The following BTAF1 variants were observed in gnomAD, a reference collection of about 807,000 sequenced individuals.
The protein encoded by BTAF1 is TATA-binding protein-associated factor 172.
A neutral mutation model predicts 227.1 loss-of-function variants in BTAF1; 38 were observed. The ratio of observed to expected loss-of-function variants is 0.17; its 90% CI spans 0.13 to 0.22. BTAF1 has a LOEUF of 0.22. Ranked by LOEUF, BTAF1 falls within the 10% of genes least tolerant of loss-of-function variation. The probability of loss-of-function intolerance (pLI) is 1.00; values close to 1 mark genes in which losing one functional copy is unlikely to be tolerated. For synonymous variants in BTAF1, 742 were observed against 751.9 expected, an observed-to-expected ratio of 0.99 and a Z score of 0.21; for missense variants, 1,598 against 2,204.0, an observed-to-expected ratio of 0.73 and a Z score of 5.51.
intron 2 of BTAF1, among the ~76,000 whole-genome samples, chr10:91,937,794 A>T (rs926345718): frequency 5.3e-5 from 8 of 152,142 alleles, no homozygotes; most frequent in African/African-American, 1.7e-4. Flanking sequence ...TCTCCAGAGT[A>T]TATATATACC....
Position 91,980,869 on chromosome 10 carries a change from A to G in BTAF1, c.1755+311A>G, listed in dbSNP as rs149398064. Reference sequence around the variant, plus strand: ...AGCCCTCATCTTGCTGTTTATCAATATGCTTATAGATCCTGCAAAGTATCT... The same window carrying G: ...AGCCCTCATCTTGCTGTTTATCAATGTGCTTATAGATCCTGCAAAGTATCT... On this transcript the variant is annotated intron_variant, in intron 15 of 37. Transcript: ENST00000265990. Among the ~76,000 whole-genome samples, 6 of 152,278 alleles carry G rather than the reference A, an allele frequency of 3.9e-5. No individual in the cohort carries two copies. In the East Asian group the frequency reaches 1.2e-3, roughly 29 times the overall value.
At position 92,008,293 on chromosome 10, in the gene BTAF1, G is replaced by A. The variant is rs202028264; in HGVS notation, c.3813+18G>A. ...ATCAGCAGGTAAGTTTTATACAATA[G>A]TGAGTTTTCCTTTCAAATGAACCTT... On this transcript the variant is annotated intron_variant, in intron 26 of 37. Coordinates refer to ENST00000265990, the MANE Select transcript of BTAF1 (RefSeq NM_003972.3). 260 of 1,543,546 alleles carry A rather than the reference G, an allele frequency of 1.7e-4. 1 individual carries two copies. The highest frequency in any genetic ancestry group is 8.6e-5 in the Non-Finnish European group (99 of 1,155,358).
intron 19 of BTAF1, among the ~76,000 whole-genome samples, chr10:91,987,286 A>T (rs1487579755): frequency 6.6e-6 from 1 of 152,082 alleles, no homozygotes; most frequent in Non-Finnish European, 1.5e-5. Flanking sequence ...GATCAAGACC[A>T]TCCTGGCTAA....
At chr10:91,997,460 T>C (rs1423283276) in intron 24 of BTAF1, 143 bp from the exon 25 acceptor site, 2 of 688,546 alleles carry the variant, frequency 2.9e-6, no homozygotes, top group Admixed American at 3.1e-5. Flanking sequence ...AATTGAATCA[T>C]AGGCCTGGAG....
intron 4 of BTAF1, among the ~76,000 whole-genome samples, chr10:91,948,559 T>TC (rs1429510533): frequency 6.6e-6 from 1 of 151,434 alleles, no homozygotes; most frequent in Non-Finnish European, 1.5e-5. Context: ...TATTTTTTTT[T>TC]CTGTAGAGAT....
At chr10:92,019,558 A>G (rs1009290799) in intron 34 of BTAF1, among the ~76,000 whole-genome samples, 1 of 152,182 alleles carries the variant, frequency 6.6e-6, no homozygotes, top group Non-Finnish European at 1.5e-5. Flanking sequence ...CAGCATTTCT[A>G]TGTTTAACAT....
chr10:91,940,107 A>G, intron 3 of BTAF1, 41 bp downstream of exon 3: 1 of 1,288,928 alleles, frequency 7.8e-7, no homozygotes, highest in Non-Finnish European at 1.1e-6. Context: ...TAAAAACCTA[A>G]CTGTAGAATT....
At chr10:91,924,571 T>A (rs1843699267) in intron 1 of BTAF1, among the ~76,000 whole-genome samples, 1 of 152,240 alleles carries the variant, frequency 6.6e-6, no homozygotes, top group Admixed American at 6.5e-5. Flanking sequence ...AGATGTTTTT[T>A]AAAATTAAGT....
intron 4 of BTAF1, among the ~76,000 whole-genome samples, chr10:91,950,399 A>G (rs1317723004): frequency 7.1e-6 from 1 of 140,156 alleles, no homozygotes; most frequent in African/African-American, 2.7e-5. Context: ...TGTTTTTGCC[A>G]GTTTGTTAGG....
rs1029308899 is a variant in BTAF1 at position 91,935,551 on chromosome 10, A to G, written c.15-106A>G. On this transcript the variant is annotated intron_variant, in intron 1 of 37. Transcript: ENST00000265990. ...TGTCTTTCCGGGGCTCATTTATGTT[A>G]GCGTAGGTCTTCATTCATAGCATCT... 12 of 1,207,136 alleles carry G rather than the reference A, an allele frequency of 9.9e-6. No individual in the cohort carries two copies. The African/African-American group carries it at 1.8e-4, about 18-fold the overall frequency. 74.8% of individuals were successfully genotyped at this position (1,207,136 alleles called of 1,614,324 possible).
At chr10:91,944,249 G>GT (rs1845214984) in intron 4 of BTAF1, among the ~76,000 whole-genome samples, 1 of 152,092 alleles carries the variant, frequency 6.6e-6, no homozygotes, top group Non-Finnish European at 1.5e-5. Context: ...TTTAGTGCTA[G>GT]TAAGTCACAG....
intron 19 of BTAF1, among the ~76,000 whole-genome samples, chr10:91,986,909 T>C (rs1245110193): frequency 2.0e-5 from 3 of 152,112 alleles, no homozygotes. Flanking sequence ...CTGCCTTTTG[T>C]ATCTTCATTG....
chr10:92,027,104 G>A (rs1379334021), intron 36 of BTAF1, 26 bp from the exon 37 acceptor site: 1 of 1,596,260 alleles, frequency 6.3e-7, no homozygotes, highest in Non-Finnish European at 8.5e-7. Context: ...ATGTGTTACG[G>A]TTGCTTAACT....
In BTAF1 at chr10:91,956,674, C is replaced by T. The variant is rs771419986; in HGVS notation, c.831+17C>T. On this transcript the variant is annotated intron_variant, in intron 7 of 37. Transcript: ENST00000265990. ...ATTGAAGAGGTACTCTTGAAAGACT[C>T]TAAAGTATCCATTAAAATTGCTTAT... is the stretch of plus-strand genomic sequence containing the variant. The T allele has an allele frequency of 6.2e-7, 1 of 1,603,740 alleles. No individual in the cohort carries two copies. The highest frequency in any genetic ancestry group is 2.2e-5 in the East Asian group (1 of 44,534).
intron 1 of BTAF1, among the ~76,000 whole-genome samples, chr10:91,934,936 GCTC>G (rs2133790097): frequency 6.6e-6 from 1 of 151,910 alleles, no homozygotes. Flanking sequence ...TATAATATTC[GCTC>G]CTTTCTTTCA....
chr10:92,018,992 G>A, intron 34 of BTAF1, 57 bp downstream of exon 34: 1 of 1,370,324 alleles, frequency 7.3e-7, no homozygotes, highest in Non-Finnish European at 9.5e-7. Context: ...ATAAATTCTT[G>A]GTAAATTTGC....
Position 91,956,638 on chromosome 10 carries a change from G to A in BTAF1, c.812G>A (p.Ser271Asn), listed in dbSNP as rs1846105868. The change falls in exon 7 of 38, where the codon AGC becomes AAC. Residue 271 changes from serine (S) to asparagine (N), a missense_variant. Coordinates refer to ENST00000265990, the MANE Select transcript of BTAF1 (RefSeq NM_003972.3). ...GTCTTGATTGATAATATTCCAGACA[G>A]CTCTTCCTTAATTGAAGAGGTACTC... ...SKVLIDNIPD[S>N]SSLIEETNEW... is the part of the protein sequence containing the mutation. 4 of 1,609,824 alleles carry A rather than the reference G, an allele frequency of 2.5e-6. No homozygotes were observed.
intron 20 of BTAF1, among the ~76,000 whole-genome samples, chr10:91,991,271 A>AATATATATATATATATATATAT (rs3980612): frequency 1.1e-4 from 7 of 66,224 alleles, no homozygotes; most frequent in East Asian, 9.2e-4. Context: ...TATAAATATA[A>AATATATATATATATATATATAT]ATATATATAT....
chr10:91,996,677 G>A, intron 24 of BTAF1, 107 bp downstream of exon 24: 1 of 1,060,340 alleles, frequency 9.4e-7, no homozygotes, highest in Non-Finnish European at 1.3e-6. Flanking sequence ...AACCTGCCTT[G>A]TTCCAAAAAA....
Sources: allele counts gnomAD v4.1 joint callset (sites outside exome capture counted in the v4.1 genomes callset), GRCh38; gene constraint gnomAD v4.1.1; transcripts MANE v1.5; gene names NCBI Gene and HGNC (gene_info 2026-07-23, HGNC 2026-07-21).